The following CD3E variants were observed in gnomAD, a reference collection of about 807,000 sequenced individuals.
CD3E encodes the protein CD3 epsilon subunit of T-cell receptor complex.
A neutral mutation model predicts 34.7 loss-of-function variants in CD3E; 16 were observed. That is an observed-to-expected ratio of 0.46 (90% CI 0.31 to 0.70). The LOEUF (loss-of-function observed/expected upper bound fraction) is 0.70, where lower values mean the gene tolerates loss of function less well. CD3E is among the 30% of genes least tolerant of loss of function. CD3E has a pLI of 0.05. For missense variants in CD3E, 223 were observed against 253.9 expected (o/e 0.88, Z 0.83); for synonymous variants, 70 against 90.8 (o/e 0.77, Z 1.30).
At chr11:118,313,992 C>T in intron 7 of CD3E, 118 bp downstream of exon 7, 1 of 922,056 alleles carries the variant, frequency 1.1e-6, no homozygotes, top group Admixed American at 2.0e-5. Context: ...CTTCTATGCA[C>T]AGCTTCTATT....
chr11:118,305,795 G>A (rs1948102301), intron 2 of CD3E, among the ~76,000 whole-genome samples: 1 of 152,184 alleles, frequency 6.6e-6, no homozygotes. Context: ...CAATCTGTGA[G>A]ACCAGGACTG....
intron 2 of CD3E, among the ~76,000 whole-genome samples, chr11:118,305,790 T>C (rs569929677): frequency 1.4e-4 from 22 of 152,338 alleles, no homozygotes; most frequent in African/African-American, 5.3e-4. Context: ...GAAGCCAATC[T>C]GTGAGACCAG....
Position 118,305,535 on chromosome 11 carries a change from A to C in CD3E, c.49+534A>C, listed in dbSNP as rs575264459. Among the ~76,000 whole-genome samples the C allele has an allele frequency of 3.3e-5, 5 of 152,310 alleles. No individual in the cohort carries two copies. In the South Asian group the frequency reaches 8.3e-4, roughly 25 times the overall value. On this transcript the variant is annotated intron_variant, in intron 2 of 8. Coordinates refer to ENST00000361763, the MANE Select transcript of CD3E (RefSeq NM_000733.4). The stretch of plus-strand genomic sequence containing the variant: ...ATAACCAAGAGCATTTCTGTATCTC[A>C]TATGAGATAAATAATACCAAAAAAA...
chr11:118,314,534 TG>T, intron 8 of CD3E, 40 bp downstream of exon 8: 1 of 1,576,618 alleles, frequency 6.3e-7, no homozygotes, highest in Non-Finnish European at 8.7e-7. Context: ...CTGGAGGGGA[TG>T]TCCCTCCAGG....
chr11:118,315,362 C>A, intron 8 of CD3E, 124 bp from the exon 9 acceptor site: 1 of 783,482 alleles, frequency 1.3e-6, no homozygotes, highest in Non-Finnish European at 2.2e-6. Context: ...ATTAGAATTC[C>A]AGCCTGCCTC....
chr11:118,310,840 C>T (rs1948131750), intron 4 of CD3E, among the ~76,000 whole-genome samples: 1 of 152,070 alleles, frequency 6.6e-6, no homozygotes, highest in Non-Finnish European at 1.5e-5. Flanking sequence ...ATCTACTGTC[C>T]TTATACTCAA....
intron 3 of CD3E, 149 bp downstream of exon 3, chr11:118,307,457 C>G (rs561482373): frequency 8.8e-6 from 6 of 684,550 alleles, no homozygotes; most frequent in Non-Finnish European, 1.5e-5. Flanking sequence ...ACTTTCCTCA[C>G]AAGTCTGGAG....
intron 7 of CD3E, 133 bp downstream of exon 7, chr11:118,314,007 TG>T: frequency 1.2e-6 from 1 of 858,654 alleles, no homozygotes; most frequent in Non-Finnish European, 1.9e-6. Context: ...TCTATTACTG[TG>T]ATGACAAGAT....
intron 8 of CD3E, among the ~76,000 whole-genome samples, chr11:118,315,131 T>C (rs1948159168): frequency 6.6e-6 from 1 of 152,154 alleles, no homozygotes; most frequent in African/African-American, 2.4e-5. Flanking sequence ...CTCCTAGTTG[T>C]TAAATATTTT....
chr11:118,304,916 C>A lies in CD3E; in HGVS notation c.-37C>A, dbSNP rs777501509. The A allele has an allele frequency of 6.2e-6, 10 of 1,605,368 alleles. No homozygotes were observed. Among genetic ancestry groups the A allele is most frequent in the Non-Finnish European group, 8.5e-6 (10 of 1,172,138 alleles). On this transcript the variant is annotated 5_prime_UTR_variant, in exon 2 of 9. Coordinates refer to ENST00000361763, the MANE Select transcript of CD3E (RefSeq NM_000733.4). Reference sequence around the variant, plus strand: ...CAGAAGTAGTAAGTCTGCTGGCCTCCGCCATCTTAGTAAAGTAACAGTCCC... The same window carrying A: ...CAGAAGTAGTAAGTCTGCTGGCCTCAGCCATCTTAGTAAAGTAACAGTCCC...
intron 4 of CD3E, among the ~76,000 whole-genome samples, chr11:118,309,553 G>A (rs1948125048): frequency 6.6e-6 from 1 of 151,802 alleles, no homozygotes; most frequent in Non-Finnish European, 1.5e-5. Flanking sequence ...TCCAGCCTGG[G>A]CGACAGAGCA....
intron 8 of CD3E, 42 bp from the exon 9 acceptor site, chr11:118,315,444 C>T (rs201356888): frequency 3.0e-5 from 47 of 1,568,552 alleles, no homozygotes; most frequent in Non-Finnish European, 3.9e-5. Context: ...GGAGGTACTT[C>T]CTCCCGCACC....
Position 118,307,324 on chromosome 11 carries a change from T to C in CD3E, c.70+16T>C, listed in dbSNP as rs1948112938. The C allele has an allele frequency of 6.3e-7, 1 of 1,597,820 alleles. No homozygotes were observed. Among genetic ancestry groups the C allele is most frequent in the Non-Finnish European group, 8.5e-7 (1 of 1,169,668 alleles). On this transcript the variant is annotated intron_variant, in intron 3 of 8. Transcript: ENST00000361763. ...GGGCAAGATGGTGAGATATGCTTTC[T>C]TTCTTTCTTTTTTATGAAATCACCC... is the stretch of plus-strand genomic sequence containing the variant.
chr11:118,309,493 T>C (rs756100740), intron 4 of CD3E, among the ~76,000 whole-genome samples: 30 of 152,156 alleles, frequency 2.0e-4, no homozygotes, highest in Non-Finnish European at 4.1e-4. Flanking sequence ...GGAGAATTGC[T>C]TGAACCTGGG....
At chr11:118,314,272 G>T (rs1356923497) in intron 7 of CD3E, among the ~76,000 whole-genome samples, 176 bp from the exon 8 acceptor site, 3 of 152,024 alleles carry the variant, frequency 2.0e-5, no homozygotes, top group African/African-American at 7.3e-5. Context: ...AGAGTGTAGG[G>T]TCCTTAGAGA....
chr11:118,308,460 T>C lies in CD3E; in HGVS notation c.85+19T>C, dbSNP rs1214005152. 2 of 1,551,960 alleles carry C rather than the reference T, an allele frequency of 1.3e-6. No individual in the cohort carries two copies. The highest frequency in any genetic ancestry group is 3.4e-5 in the Admixed American group (2 of 59,348). On this transcript the variant is annotated intron_variant, in intron 4 of 8. Transcript: ENST00000361763. ...GAAATGGGTAAGAAGATTTCCACTCTATCTAGCAAAAGTTTTCAAATATGG... is the reference window on the plus strand; with the variant it reads ...GAAATGGGTAAGAAGATTTCCACTCCATCTAGCAAAAGTTTTCAAATATGG...
Position 118,312,609 on chromosome 11 carries a change from T to C in CD3E, c.104-9T>C. ...GTTTCTTCTGCCAATTTCCCTTCTTTCTCCCCAGCATATAAAGTCTCCATC... is the reference window on the plus strand; with the variant it reads ...GTTTCTTCTGCCAATTTCCCTTCTTCCTCCCCAGCATATAAAGTCTCCATC... On this transcript the variant is annotated splice_polypyrimidine_tract_variant and intron_variant, in intron 5 of 8. Transcript: ENST00000361763. The C allele has an allele frequency of 6.2e-7, 1 of 1,614,152 alleles. No homozygotes were observed. The highest frequency in any genetic ancestry group is 8.5e-7 in the Non-Finnish European group (1 of 1,180,036).
chr11:118,315,788 G>T lies in CD3E; in HGVS notation c.*246G>T, dbSNP rs73612255. On this transcript the variant is annotated 3_prime_UTR_variant, in exon 9 of 9. Coordinates refer to ENST00000361763, the MANE Select transcript of CD3E (RefSeq NM_000733.4). The stretch of plus-strand genomic sequence containing the variant: ...ATCAGTAGTCACACCCTCACAGCTG[G>T]CCTGCCCTCTTGCCAGGATATTTAT... The T allele has an allele frequency of 2.5e-4, 149 of 599,306 alleles. No individual in the cohort carries two copies. The African/African-American group carries it at 2.5e-3, about 10-fold the overall frequency. The allele number at this position is 599,306 out of a possible 1,614,324, so 37.1% of individuals were successfully genotyped here. A position where few individuals can be genotyped will look rare whatever the true frequency, so the allele number is the denominator to read the frequency against.
intron 6 of CD3E, chr11:118,313,119 G>C: frequency 3.8e-6 from 2 of 528,816 alleles, no homozygotes. Context: ...TAAGAGACAG[G>C]ACTGGGTCAT....
Sources: allele counts gnomAD v4.1 joint callset (sites outside exome capture counted in the v4.1 genomes callset), GRCh38; gene constraint gnomAD v4.1.1; transcripts MANE v1.5; gene names NCBI Gene and HGNC (gene_info 2026-07-23, HGNC 2026-07-21).